The following TTC28 variants were observed in gnomAD, a reference collection of about 807,000 sequenced individuals.
The protein encoded by TTC28 is tetratricopeptide repeat domain 28.
TTC28 carries 61 observed loss-of-function variants against 198.0 expected under a neutral mutation model. The observed-to-expected ratio is 0.31, with a 90% confidence interval of 0.25 to 0.38. TTC28 has a LOEUF of 0.38. Among genes scored for constraint, TTC28 ranks in the 10% least tolerant of loss-of-function variants. TTC28 has a pLI of 1.00. For synonymous variants in TTC28, 1,171 were observed against 1,297.8 expected, an observed-to-expected ratio of 0.90 and a Z score of 2.10; for missense variants, 2,678 against 3,164.0, an observed-to-expected ratio of 0.85 and a Z score of 3.69.
chr22:28,197,662 C>CA (rs1010612584), intron 5 of TTC28, among the ~76,000 whole-genome samples: 7 of 151,696 alleles, frequency 4.6e-5, no homozygotes, highest in Admixed American at 4.6e-4. Flanking sequence ...AATTAAATGG[C>CA]AAAAAAATTT....
chr22:28,101,514 A>G (rs1237250955), intron 8 of TTC28, among the ~76,000 whole-genome samples: 1 of 152,098 alleles, frequency 6.6e-6, no homozygotes, highest in Non-Finnish European at 1.5e-5. Flanking sequence ...ACGGGCCACC[A>G]CAACCCGGCT....
Position 28,220,763 on chromosome 22 carries a change from C to T in TTC28, c.934-57164G>A, listed in dbSNP as rs181142629. On this transcript the variant is annotated intron_variant, in intron 5 of 22. Transcript: ENST00000397906. The stretch of plus-strand genomic sequence containing the variant: ...AGGATCCATCCATACTCAAGGGAAA[C>T]GGATCACACAAGGGCATGAAGAAAG... 8.5e-5 allele frequency among the ~76,000 whole-genome samples: 13 copies of T among 152,252 alleles called. No individual in the cohort carries two copies. The East Asian group carries it at 1.3e-3, about 16-fold the overall frequency.
intron 12 of TTC28, among the ~76,000 whole-genome samples, chr22:28,071,063 C>T (rs1940948030): frequency 6.6e-6 from 1 of 151,962 alleles, no homozygotes; most frequent in African/African-American, 2.4e-5. Flanking sequence ...AGAATGAGTG[C>T]TGGACATCTG....
chr22:28,024,427 G>A (rs1246013343), intron 13 of TTC28, among the ~76,000 whole-genome samples: 1 of 152,168 alleles, frequency 6.6e-6, no homozygotes, highest in East Asian at 1.9e-4. Flanking sequence ...AAATGGAACA[G>A]GAAATGGGAA....
intron 2 of TTC28, among the ~76,000 whole-genome samples, chr22:28,367,449 G>A (rs1306356312): frequency 2.0e-5 from 3 of 151,836 alleles, no homozygotes; most frequent in Non-Finnish European, 4.4e-5. Context: ...AGTACTAAGG[G>A]AAATTTATGA....
At position 28,549,986 on chromosome 22, in the gene TTC28, T is replaced by C. The variant is rs543713480; in HGVS notation, c.381+79566A>G. Among the ~76,000 whole-genome samples the C allele has an allele frequency of 1.4e-3, 216 of 152,310 alleles. 1 individual carries two copies. Among genetic ancestry groups the C allele is most frequent in the African/African-American group, 4.8e-3 (201 of 41,592 alleles). Reference sequence around the variant, plus strand: ...CAATCAAATAAGATCTGTACTTTAATTCCCAACAATTTTAGTCCAGTGAGG... The same window carrying C: ...CAATCAAATAAGATCTGTACTTTAACTCCCAACAATTTTAGTCCAGTGAGG... On this transcript the variant is annotated intron_variant, in intron 2 of 22. Coordinates refer to ENST00000397906, the MANE Select transcript of TTC28 (RefSeq NM_001145418.2).
chr22:28,035,835 T>A (rs1021276289), intron 12 of TTC28, among the ~76,000 whole-genome samples: 2 of 152,186 alleles, frequency 1.3e-5, no homozygotes, highest in Non-Finnish European at 2.9e-5. Context: ...GGGGTTGCAA[T>A]CTTAGTCTCT....
At chr22:28,591,026 C>T (rs1601599699) in intron 2 of TTC28, among the ~76,000 whole-genome samples, 1 of 76,298 alleles carries the variant, frequency 1.3e-5, no homozygotes, top group African/African-American at 5.2e-5. Flanking sequence ...CACACACACA[C>T]ACACACACAC....
intron 5 of TTC28, among the ~76,000 whole-genome samples, chr22:28,178,829 G>C (rs917589515): frequency 2.0e-5 from 3 of 152,196 alleles, no homozygotes; most frequent in Non-Finnish European, 2.9e-5. Context: ...AAGACTCAAA[G>C]AGATAAAGTG....
intron 1 of TTC28, among the ~76,000 whole-genome samples, chr22:28,653,743 C>T (rs576044949): frequency 6.6e-6 from 1 of 152,108 alleles, no homozygotes; most frequent in Non-Finnish European, 1.5e-5. Context: ...TTAACTCTAC[C>T]GATCTAATAA....
intron 2 of TTC28, among the ~76,000 whole-genome samples, chr22:28,510,571 G>A (rs1322751545): frequency 6.6e-6 from 1 of 152,098 alleles, no homozygotes; most frequent in East Asian, 1.9e-4. Flanking sequence ...CATACTGAAT[G>A]GGCAAAGGCT....
intron 6 of TTC28, among the ~76,000 whole-genome samples, chr22:28,146,504 T>A (rs775484146): frequency 2.6e-5 from 4 of 152,232 alleles, no homozygotes; most frequent in Non-Finnish European, 5.9e-5. Flanking sequence ...AACTGGAGAA[T>A]GCCATCTGTT....
intron 14 of TTC28, chr22:28,006,993 A>G (rs530960676): frequency 2.0e-5 from 3 of 152,238 alleles, no homozygotes; most frequent in South Asian, 4.2e-4. Context: ...AGGGATTCAC[A>G]GTATCACAGG....
intron 15 of TTC28, chr22:28,000,269 C>T (rs1358360534): frequency 6.6e-6 from 1 of 152,196 alleles, no homozygotes; most frequent in African/African-American, 2.4e-5. Context: ...GGTCAAAATT[C>T]AGATCTACAA....
chr22:28,089,955 G>T (rs1393060855), intron 12 of TTC28, among the ~76,000 whole-genome samples: 2 of 151,846 alleles, frequency 1.3e-5, no homozygotes, highest in South Asian at 4.2e-4. Context: ...CACACACCGG[G>T]GACTGTTGTG....
In TTC28 at chr22:28,262,193, G is replaced by C. The variant is rs182014753; in HGVS notation, c.933+34005C>G. Among the ~76,000 whole-genome samples, 10 of 152,052 alleles carry C rather than the reference G, an allele frequency of 6.6e-5. No individual in the cohort carries two copies. The East Asian group carries it at 1.9e-3, about 29-fold the overall frequency. On this transcript the variant is annotated intron_variant, in intron 5 of 22. Transcript: ENST00000397906. ...ATTCCCTCAACAGACAGTGATACTA[G>C]GCAAAATAAAAGTTAAGGTCATCAG... is the stretch of plus-strand genomic sequence containing the variant.
chr22:28,608,679 G>C (rs547947686), intron 2 of TTC28, among the ~76,000 whole-genome samples: 3 of 152,130 alleles, frequency 2.0e-5, no homozygotes, highest in Non-Finnish European at 4.4e-5. Flanking sequence ...ACATAAATGG[G>C]AAGTGAAGGC....
At chr22:28,151,790 A>C (rs1372294647) in intron 6 of TTC28, among the ~76,000 whole-genome samples, 2 of 152,154 alleles carry the variant, frequency 1.3e-5, no homozygotes, top group Non-Finnish European at 2.9e-5. Flanking sequence ...GTCTAGAAAA[A>C]TCTGTTTCAG....
intron 2 of TTC28, among the ~76,000 whole-genome samples, chr22:28,524,163 G>A (rs1444817930): frequency 1.3e-5 from 2 of 152,108 alleles, no homozygotes; most frequent in Admixed American, 6.5e-5. Context: ...GAAGGGTGAT[G>A]AGTGAACATA....
Sources: gnomAD v4.1 joint callset for allele counts (sites outside exome capture counted in the v4.1 genomes callset) on GRCh38, gnomAD v4.1.1 for gene constraint, MANE v1.5 for transcripts, NCBI Gene and HGNC (gene_info 2026-07-23, HGNC 2026-07-21) for gene names.